IL10RA: variants seen among roughly 807,000 people sequenced by gnomAD.
IL10RA encodes interleukin 10 receptor subunit alpha.
A neutral mutation model predicts 29.6 loss-of-function variants in IL10RA; 18 were observed. The observed-to-expected ratio is 0.61, with a 90% CI of 0.42 to 0.90. The LOEUF is 0.90. IL10RA is among the 40% of genes least tolerant of loss of function. IL10RA has a pLI of 0.00. For missense variants in IL10RA, 634 were observed against 716.6 expected (o/e 0.88, Z 1.32); for synonymous variants, 292 against 294.1 (o/e 0.99, Z 0.07).
At chr11:117,996,637 A>T (rs1198665955) in intron 6 of IL10RA, among the ~76,000 whole-genome samples, 1 of 152,234 alleles carries the variant, frequency 6.6e-6, no homozygotes, top group Admixed American at 6.5e-5. Context: ...AAGACGAGAG[A>T]CAAGTGCAGT....
chr11:117,999,836 A>G lies in IL10RA; in HGVS notation c.*195A>G, dbSNP rs2058083131. On this transcript the variant is annotated 3_prime_UTR_variant, in exon 7 of 7. Transcript: ENST00000227752. The stretch of plus-strand genomic sequence containing the variant: ...CAGGAGGAGGCCAACTCACTGAACT[A>G]GTGCAGGGTATGTGGGTGGCACTGA... 2 of 698,104 alleles carry G rather than the reference A, an allele frequency of 2.9e-6. No homozygotes were observed. Among genetic ancestry groups the G allele is most frequent in the East Asian group, 2.7e-5 (1 of 37,166 alleles). 43.2% of individuals were successfully genotyped at this position (698,104 alleles called of 1,614,324 possible). A position where few individuals can be genotyped will look rare whatever the true frequency, so the allele number is the denominator to read the frequency against.
intron 5 of IL10RA, 130 bp downstream of exon 5, chr11:117,994,279 T>C: frequency 1.4e-6 from 1 of 729,794 alleles, no homozygotes; most frequent in Non-Finnish European, 2.3e-6. Flanking sequence ...CTCTGCATCC[T>C]TAATAGGAGA....
At chr11:117,988,717 G>A (rs1387814974) in intron 2 of IL10RA, among the ~76,000 whole-genome samples, 2 of 152,202 alleles carry the variant, frequency 1.3e-5, no homozygotes, top group African/African-American at 4.8e-5. Context: ...GCTCACTCCA[G>A]AGTAAGAAAA....
At chr11:117,991,254 A>T (rs1018057058) in intron 3 of IL10RA, among the ~76,000 whole-genome samples, 11 of 152,116 alleles carry the variant, frequency 7.2e-5, no homozygotes, top group Non-Finnish European at 1.3e-4. Context: ...TTTATAAAAA[A>T]GTTTTTCTTT....
At chr11:117,994,998 A>G (rs1004293511) in intron 5 of IL10RA, 1 of 164,826 alleles carries the variant, frequency 6.1e-6, no homozygotes, top group Admixed American at 5.6e-5. Context: ...AAATAGTTCC[A>G]AATCTCAGCT....
At chr11:117,991,862 G>A (rs1339074810) in intron 3 of IL10RA, among the ~76,000 whole-genome samples, 2 of 152,064 alleles carry the variant, frequency 1.3e-5, no homozygotes, top group Non-Finnish European at 2.9e-5. Context: ...AGCCTCCTTA[G>A]TAGCTGGGAT....
intron 2 of IL10RA, among the ~76,000 whole-genome samples, 173 bp downstream of exon 2, chr11:117,988,675 C>T (rs886385252): frequency 4.6e-5 from 7 of 152,156 alleles, no homozygotes; most frequent in South Asian, 2.1e-4. Context: ...AGCAATGTGC[C>T]GGGAGCTCTG....
At position 118,001,151 on chromosome 11, in the gene IL10RA, G is replaced by A. The variant is rs1490510593; in HGVS notation, c.*1510G>A. 8.8e-6 allele frequency: 4 copies of A among 454,128 alleles called. No homozygotes were observed. The highest frequency in any genetic ancestry group is 2.0e-5 in the African/African-American group (1 of 50,008). The allele number at this position is 454,128 out of a possible 1,614,324, so 28.1% of individuals were successfully genotyped here. Reference sequence around the variant, plus strand: ...TCCCTCTGGAGGCAGGCTTGAGGGAGGATTCCTCAGGGTTCCCTTGAAAGC... The same window carrying A: ...TCCCTCTGGAGGCAGGCTTGAGGGAAGATTCCTCAGGGTTCCCTTGAAAGC... On this transcript the variant is annotated 3_prime_UTR_variant, in exon 7 of 7. Transcript: ENST00000227752.
intron 3 of IL10RA, among the ~76,000 whole-genome samples, chr11:117,990,187 G>A (rs1330104114): frequency 6.6e-6 from 1 of 152,144 alleles, no homozygotes; most frequent in Non-Finnish European, 1.5e-5. Context: ...TTCAGAGTTA[G>A]AGCCGATGGT....
rs989694807 is a variant in IL10RA at position 117,986,483 on chromosome 11, G to C, written c.16G>C (p.Val6Leu). The change falls in exon 1 of 7, where the codon GTA (valine) becomes CTA (leucine). Residue 6 changes from valine to leucine, a missense_variant. Coordinates refer to ENST00000227752, the MANE Select transcript of IL10RA (RefSeq NM_001558.4). ...CGCGCCCAGGATGCTGCCGTGCCTC[G>C]TAGTGCTGCTGGCGGCGCTCCTCAG... MLPCL[V>L]VLLAALLSLR... is the part of the protein sequence containing the mutation. 5.8e-6 allele frequency: 9 copies of C among 1,555,998 alleles called. No individual in the cohort carries two copies. Among genetic ancestry groups the C allele is most frequent in the Middle Eastern group, 1.8e-4 (1 of 5,694 alleles).
chr11:117,999,144 G>C lies in IL10RA; in HGVS notation c.1240G>C (p.Gly414Arg). 6.2e-7 allele frequency: 1 copy of C among 1,613,856 alleles called. No homozygotes were observed. The highest frequency in any genetic ancestry group is 1.1e-5 in the South Asian group (1 of 91,078). Residue 414 changes from glycine to arginine, a missense_variant, in exon 7 of 7, where the codon GGG becomes CGG. Gly to Arg is a moderately radical substitution (Grantham distance 125). Coordinates refer to ENST00000227752, the MANE Select transcript of IL10RA (RefSeq NM_001558.4). ...DLVQNSEGRA[G>R]DTQGGSALGH... ...AGTTCAAAACTCTGAGGGCCGGGCT[G>C]GGGACACACAGGGTGGCTCGGCCTT... is the stretch of plus-strand genomic sequence containing the variant.
intron 6 of IL10RA, 104 bp from the exon 7 acceptor site, chr11:117,998,611 C>A: frequency 1.1e-6 from 1 of 905,400 alleles, no homozygotes; most frequent in Non-Finnish European, 1.8e-6. Flanking sequence ...AGACTGTAGT[C>A]TCCTCCATCG....
At chr11:117,986,802 T>C in intron 1 of IL10RA, 2 of 1,519,504 alleles carry the variant, frequency 1.3e-6, no homozygotes, top group Non-Finnish European at 8.8e-7. Context: ...TCCACCCACT[T>C]CTAGATGAGC....
At position 117,999,544 on chromosome 11, in the gene IL10RA, C is replaced by G. The variant is rs878931026; in HGVS notation, c.1640C>G (p.Pro547Arg). The G allele has an allele frequency of 6.2e-7, 1 of 1,614,082 alleles. No individual in the cohort carries two copies. The highest frequency in any genetic ancestry group is 8.5e-7 in the Non-Finnish European group (1 of 1,180,026). ...TGGAGCTTTGCCCATGACCTTGCCC[C>G]TCTAGGCTGTGTGGCAGCCCCAGGT... ...SDWSFAHDLA[P>R]LGCVAAPGGL... Residue 547 changes from proline (P) to arginine (R), a missense_variant, in exon 7 of 7, where the codon CCT (proline) becomes CGT (arginine). Physicochemically the swap from Pro to Arg is moderately radical, Grantham distance 103. Coordinates refer to ENST00000227752, the MANE Select transcript of IL10RA (RefSeq NM_001558.4).
intron 1 of IL10RA, 55 bp from the exon 2 acceptor site, chr11:117,988,327 G>A (rs1464921787): frequency 1.9e-6 from 3 of 1,611,130 alleles, no homozygotes; most frequent in African/African-American, 1.3e-5. Context: ...GTAAAATTGG[G>A]GTCATCAATG....
At chr11:117,990,584 G>A (rs1293886153) in intron 3 of IL10RA, among the ~76,000 whole-genome samples, 2 of 152,016 alleles carry the variant, frequency 1.3e-5, no homozygotes, top group Non-Finnish European at 2.9e-5. Context: ...ACAGTGCTTG[G>A]GATTTTTCTT....
rs1278132448 is a variant in IL10RA, at chr11:117,989,667, A to G, written c.367+47A>G. 6.3e-7 allele frequency: 1 copy of G among 1,576,954 alleles called. No homozygotes were observed. The highest frequency in any genetic ancestry group is 1.3e-5 in the African/African-American group (1 of 74,176). ...AGAACATGGCTCTGAAGTCCCTTCC[A>G]GCCAGGAACTCTAGTCTAGAGCTTT... On this transcript the variant is annotated intron_variant, in intron 3 of 6. Transcript: ENST00000227752. The surrounding 1 kb of genome is among the most constrained non-coding windows in gnomAD (Gnocchi z 4.5).
At chr11:117,995,299 C>CTG in intron 5 of IL10RA, 1 of 459,278 alleles carries the variant, frequency 2.2e-6, no homozygotes, top group Non-Finnish European at 4.1e-6. Flanking sequence ...TTCTTACCTG[C>CTG]TGTACCATCC....
At chr11:117,997,275 A>G (rs892834576) in intron 6 of IL10RA, among the ~76,000 whole-genome samples, 3 of 152,214 alleles carry the variant, frequency 2.0e-5, no homozygotes, top group Non-Finnish European at 4.4e-5. Flanking sequence ...TTCAACATAT[A>G]TTTATTGAGC....
Sources: gnomAD v4.1 joint callset for allele counts (sites outside exome capture counted in the v4.1 genomes callset) on GRCh38, gnomAD v4.1.1 for gene constraint, Gnocchi (gnomAD v3.1) non-coding constraint, MANE v1.5 for transcripts, NCBI Gene and HGNC (gene_info 2026-07-23, HGNC 2026-07-21) for gene names.